The following MARK3 variants were observed in gnomAD, a reference collection of about 807,000 sequenced individuals.
MARK3 encodes the protein MAP/microtubule affinity-regulating kinase 3.
A neutral mutation model predicts 90.1 loss-of-function variants in MARK3; 46 were observed. The ratio of observed to expected loss-of-function variants is 0.51; its 90% CI spans 0.40 to 0.65. The LOEUF (loss-of-function observed/expected upper bound fraction) is 0.65. Among genes scored for constraint, MARK3 ranks in the 30% least tolerant of loss-of-function variants. The pLI is 0.00. For missense variants in MARK3, 818 were observed against 947.2 expected, an observed-to-expected ratio of 0.86 and a Z score of 1.79; for synonymous variants, 321 against 332.6, an observed-to-expected ratio of 0.97 and a Z score of 0.38.
chr14:103,390,466 C>CT (rs5811102), intron 1 of MARK3, among the ~76,000 whole-genome samples: 149,982 of 151,910 alleles, frequency 0.99, 74,081 homozygotes, highest in Non-Finnish European at 1. Flanking sequence ...ATTTCTAAAA[C>CT]TTTTTTTTAA....
Position 103,467,126 on chromosome 14 carries a change from C to G in MARK3, c.1045C>G (p.Leu349Val). The G allele has an allele frequency of 1.2e-6, 2 of 1,600,946 alleles. No individual in the cohort carries two copies. The highest frequency in any genetic ancestry group is 1.7e-6 in the Non-Finnish European group (2 of 1,170,412). ...GYSQEEIQESLSKMKYDEITA... is the reference protein window; with the variant it reads ...GYSQEEIQESVSKMKYDEITA... ...TTCACAAGAAGAAATTCAAGAATCT[C>G]TTAGTAAGATGAAATACGATGAAAT... The change falls in exon 11 of 18, where the codon CTT becomes GTT. Residue 349 changes from leucine to valine, a missense_variant. Leu to Val is a conservative substitution (Grantham distance 32). Around this residue, in one of 3 missense-constraint regions of MARK3, gnomAD observed 560 missense variants for 613.5 expected, o/e 0.91. Coordinates refer to ENST00000429436, the MANE Select transcript of MARK3 (RefSeq NM_001128918.3).
chr14:103,467,227 T>A, intron 11 of MARK3, 36 bp downstream of exon 11: 1 of 931,564 alleles, frequency 1.1e-6, no homozygotes, highest in Non-Finnish European at 1.7e-6. Flanking sequence ...ATACCCTGTA[T>A]GTAATTATTA....
At chr14:103,441,291 T>G (rs1461934682) in intron 3 of MARK3, among the ~76,000 whole-genome samples, 1 of 152,132 alleles carries the variant, frequency 6.6e-6, no homozygotes, top group African/African-American at 2.4e-5. Flanking sequence ...GTTTTTTTGT[T>G]TTTTTGTTTT....
chr14:103,413,571 C>T (rs2091786988), intron 2 of MARK3, among the ~76,000 whole-genome samples: 1 of 151,378 alleles, frequency 6.6e-6, no homozygotes, highest in Admixed American at 6.6e-5. Flanking sequence ...CACAAGCACA[C>T]AGTACCGCAC....
At chr14:103,492,442 G>C (rs906583533) in intron 15 of MARK3, among the ~76,000 whole-genome samples, 5 of 152,112 alleles carry the variant, frequency 3.3e-5, no homozygotes, top group African/African-American at 1.2e-4. Flanking sequence ...AGAGGAAAGA[G>C]ACAGCTTCTC....
intron 2 of MARK3, among the ~76,000 whole-genome samples, chr14:103,409,876 A>T (rs978370872): frequency 6.6e-5 from 10 of 152,166 alleles, no homozygotes; most frequent in Non-Finnish European, 1.2e-4. Flanking sequence ...TTACAAACAG[A>T]TCTGCAGTGG....
intron 14 of MARK3, among the ~76,000 whole-genome samples, chr14:103,486,718 A>G (rs1351018358): frequency 6.6e-6 from 1 of 152,092 alleles, no homozygotes; most frequent in Non-Finnish European, 1.5e-5. Flanking sequence ...TGTGAGCTTG[A>G]TTGTACAAAA....
chr14:103,469,623 T>C (rs551006618), intron 12 of MARK3, among the ~76,000 whole-genome samples: 23 of 152,098 alleles, frequency 1.5e-4, no homozygotes, highest in African/African-American at 4.8e-4. Context: ...CTGGCCAATA[T>C]TGTATTTTTA....
At chr14:103,411,159 A>G (rs1418874473) in intron 2 of MARK3, among the ~76,000 whole-genome samples, 1 of 151,686 alleles carries the variant, frequency 6.6e-6, no homozygotes, top group Non-Finnish European at 1.5e-5. Flanking sequence ...CTGTAGCCCC[A>G]GCTGTTCAGG....
chr14:103,422,058 A>G (rs935602908), intron 2 of MARK3, among the ~76,000 whole-genome samples: 2 of 152,178 alleles, frequency 1.3e-5, no homozygotes, highest in African/African-American at 4.8e-5. Flanking sequence ...TTCATACTTT[A>G]TAACATGCTT....
intron 3 of MARK3, among the ~76,000 whole-genome samples, chr14:103,442,823 A>G (rs2092892279): frequency 6.6e-6 from 1 of 152,246 alleles, no homozygotes; most frequent in Non-Finnish European, 1.5e-5. Context: ...AATAGTTTAG[A>G]AAAGGGAACA....
At position 103,495,429 on chromosome 14, in the gene MARK3, A is replaced by G. The variant is rs527808940; in HGVS notation, c.1845-3073A>G. ...CAGGAGGCGTAGGTTGCAGAGAGCCAAGATCACACCATTGCACTCCAGCCT... is the reference window on the plus strand; with the variant it reads ...CAGGAGGCGTAGGTTGCAGAGAGCCGAGATCACACCATTGCACTCCAGCCT... On this transcript the variant is annotated intron_variant, in intron 15 of 17. Transcript: ENST00000429436. Among the ~76,000 whole-genome samples, 6 of 143,454 alleles carry G rather than the reference A, an allele frequency of 4.2e-5. No homozygotes were observed. The South Asian group carries it at 7.2e-4, about 17-fold the overall frequency. 94.1% of individuals were successfully genotyped at this position (143,454 alleles called of 152,430 possible).
chr14:103,498,158 A>G (rs917556018), intron 15 of MARK3, among the ~76,000 whole-genome samples: 9 of 151,890 alleles, frequency 5.9e-5, no homozygotes, highest in African/African-American at 2.2e-4. Flanking sequence ...CATAGGTTGC[A>G]TTGAGCTGAG....
chr14:103,462,606 G>A (rs2093423738), intron 7 of MARK3, 145 bp downstream of exon 7: 2 of 492,172 alleles, frequency 4.1e-6, no homozygotes, highest in Admixed American at 7.1e-5. Context: ...TCAAGTTATG[G>A]GAAAGAGCAT....
chr14:103,424,451 C>G (rs1335771351), intron 2 of MARK3, among the ~76,000 whole-genome samples: 1 of 150,758 alleles, frequency 6.6e-6, no homozygotes, highest in Non-Finnish European at 1.5e-5. Flanking sequence ...CCTGAACCTG[C>G]GGAAGTCGAG....
intron 7 of MARK3, among the ~76,000 whole-genome samples, chr14:103,463,819 A>G (rs1415966878): frequency 7.2e-5 from 11 of 152,134 alleles, no homozygotes; most frequent in Non-Finnish European, 1.5e-4. Context: ...TTGGCTTCCC[A>G]TTGCTCTTAC....
chr14:103,404,309 G>A (rs2091144241), intron 1 of MARK3, among the ~76,000 whole-genome samples: 1 of 152,170 alleles, frequency 6.6e-6, no homozygotes, highest in Non-Finnish European at 1.5e-5. Flanking sequence ...GGAATGAGAA[G>A]CCTCCCTTGG....
At chr14:103,472,968 T>C (rs1190644529) in intron 12 of MARK3, among the ~76,000 whole-genome samples, 1 of 150,154 alleles carries the variant, frequency 6.7e-6, no homozygotes, top group Non-Finnish European at 1.5e-5. Context: ...ATTGAGCCAC[T>C]GCACTCCACA....
chr14:103,389,012 T>C (rs2090020079), intron 1 of MARK3, among the ~76,000 whole-genome samples: 1 of 152,158 alleles, frequency 6.6e-6, no homozygotes, highest in South Asian at 2.1e-4. Flanking sequence ...AGGAATCTTA[T>C]TTAAATTTTA....
Sources: gnomAD v4.1 joint callset for allele counts (sites outside exome capture counted in the v4.1 genomes callset) on GRCh38, gnomAD v4.1.1 for gene constraint, gnomAD v4.1.1 regional missense constraint, MANE v1.5 for transcripts, NCBI Gene and HGNC (gene_info 2026-07-23, HGNC 2026-07-21) for gene names.